NOC3L: variants seen among roughly 807,000 people sequenced by gnomAD.
NOC3L encodes nucleolar complex protein 3 homolog.
A neutral mutation model predicts 102.5 loss-of-function variants in NOC3L; 85 were observed. The ratio of observed to expected loss-of-function variants is 0.83; its 90% CI spans 0.70 to 0.99. The LOEUF is 0.99. NOC3L is among the 50% of genes least tolerant of loss of function. The pLI, the probability that NOC3L is intolerant of heterozygous loss-of-function variation, is 0.00. For missense variants in NOC3L, 878 were observed against 914.9 expected (o/e 0.96, Z 0.52); for synonymous variants, 303 against 309.4 (o/e 0.98, Z 0.22).
chr10:94,324,693 A>G, the NOC3L span: 1 of 1,019,084 alleles, frequency 9.8e-7, no homozygotes, highest in African/African-American at 1.6e-5. Flanking sequence ...AGTTAGGAGA[A>G]AATTGTTTGG....
In NOC3L at chr10:94,361,647, T is replaced by A. The variant is rs1429390987; in HGVS notation, c.217+18A>T. 1 of 1,605,522 alleles carries A rather than the reference T, an allele frequency of 6.2e-7. No homozygotes were observed. The highest frequency in any genetic ancestry group is 1.1e-5 in the South Asian group (1 of 90,258). ...ATAAATCAATGGAAACCAGAGCACA[T>A]GATGTTTTCACAATTACCTGGTCGC... On this transcript the variant is annotated intron_variant, in intron 2 of 20. Coordinates refer to ENST00000371361, the MANE Select transcript of NOC3L (RefSeq NM_022451.11).
At chr10:94,352,798 G>C (rs2054436040) in intron 7 of NOC3L, 98 bp downstream of exon 7, 1 of 1,030,212 alleles carries the variant, frequency 9.7e-7, no homozygotes. Flanking sequence ...CTCTAGTCTG[G>C]GCGACAGAGT....
the NOC3L span, among the ~76,000 whole-genome samples, chr10:94,321,642 A>AC: frequency 2.6e-5 from 4 of 151,896 alleles, no homozygotes; most frequent in Non-Finnish European, 4.4e-5. Flanking sequence ...AAAAAAAAAA[A>AC]AAAACCCACA....
rs375263761 is a variant in NOC3L at position 94,362,866 on chromosome 10, G to C, written c.-28C>G. The C allele has an allele frequency of 6.2e-7, 1 of 1,613,974 alleles. No homozygotes were observed. The highest frequency in any genetic ancestry group is 8.5e-7 in the Non-Finnish European group (1 of 1,180,032). On this transcript the variant is annotated 5_prime_UTR_variant, in exon 1 of 21. Coordinates refer to ENST00000371361, the MANE Select transcript of NOC3L (RefSeq NM_022451.11). ...TTAGGCCTTAAATGAATGCCGGCCAGACAAGTTCACCAGAAGCAGGGTTAC... is the reference window on the plus strand; with the variant it reads ...TTAGGCCTTAAATGAATGCCGGCCACACAAGTTCACCAGAAGCAGGGTTAC...
intron 16 of NOC3L, 94 bp from the exon 17 acceptor site, chr10:94,340,014 T>A: frequency 9.0e-7 from 1 of 1,110,002 alleles, no homozygotes; most frequent in Non-Finnish European, 1.3e-6. Flanking sequence ...TAAACTTTTG[T>A]ACCTGTCCCA....
intron 7 of NOC3L, 83 bp downstream of exon 7, chr10:94,352,813 C>A: frequency 8.1e-7 from 1 of 1,236,722 alleles, no homozygotes. Context: ...CAGAGTAAAA[C>A]TCTGCCTCAA....
intron 5 of NOC3L, among the ~76,000 whole-genome samples, chr10:94,355,731 A>T (rs939630077): frequency 2.0e-5 from 3 of 152,084 alleles, no homozygotes; most frequent in Admixed American, 6.6e-5. Context: ...AGCCCAAAAT[A>T]ATTCATATTA....
intron 6 of NOC3L, among the ~76,000 whole-genome samples, chr10:94,354,670 T>C: frequency 6.6e-6 from 1 of 152,190 alleles, no homozygotes; most frequent in Non-Finnish European, 1.5e-5. Flanking sequence ...CCTAATACAA[T>C]TTTATAAATT....
chr10:94,346,474 A>C lies in NOC3L; in HGVS notation c.1340T>G (p.Phe447Cys), dbSNP rs1236428918. The C allele has an allele frequency of 6.6e-7, 1 of 1,514,162 alleles. No individual in the cohort carries two copies. The highest frequency in any genetic ancestry group is 1.3e-5 in the South Asian group (1 of 78,540). 93.8% of individuals were successfully genotyped at this position (1,514,162 alleles called of 1,614,324 possible). ...DTEDINKPKKFMTFKEKRKSL... is the reference protein window; with the variant it reads ...DTEDINKPKKCMTFKEKRKSL... ...TTTTCTCTTTTCTTTGAAAGTCATA[A>C]ATTTTTTTGGTTTATTAATGTCTTC... The change falls in exon 11 of 21, where the codon TTT becomes TGT. Residue 447 changes from phenylalanine to cysteine, a missense_variant. Coordinates refer to ENST00000371361, the MANE Select transcript of NOC3L (RefSeq NM_022451.11).
At chr10:94,321,962 A>T in the NOC3L span, 1 of 1,613,730 alleles carries the variant, frequency 6.2e-7, no homozygotes, top group East Asian at 2.2e-5. Context: ...TCAGAGGAGG[A>T]GAGTTTCTTT....
At chr10:94,356,464 A>G in intron 5 of NOC3L, 71 bp downstream of exon 5, 2 of 905,458 alleles carry the variant, frequency 2.2e-6, no homozygotes, top group Admixed American at 1.9e-5. Context: ...TTTCATCTAA[A>G]ATTAACTCAC....
chr10:94,357,450 T>A, intron 3 of NOC3L, 119 bp from the exon 4 acceptor site: 1 of 722,024 alleles, frequency 1.4e-6, no homozygotes, highest in Non-Finnish European at 2.0e-6. Context: ...ATATGGATAG[T>A]AGCACTTAGG....
At chr10:94,323,524 A>G in the NOC3L span, among the ~76,000 whole-genome samples, 1 of 152,264 alleles carries the variant, frequency 6.6e-6, no homozygotes, top group Non-Finnish European at 1.5e-5. Context: ...CGTTGGCTCC[A>G]GCAAAACACT....
At chr10:94,354,269 G>A (rs190416561) in intron 6 of NOC3L, among the ~76,000 whole-genome samples, 2 of 152,232 alleles carry the variant, frequency 1.3e-5, no homozygotes, top group East Asian at 3.9e-4. Context: ...GTATGCTGGG[G>A]ACACCAGCAT....
chr10:94,315,240 A>G, the NOC3L span: 40 of 344,942 alleles, frequency 1.2e-4, no homozygotes, highest in African/African-American at 6.7e-4. Flanking sequence ...CTTCACTCCC[A>G]CTGCCCTCAG....
the NOC3L span, chr10:94,325,088 C>G: frequency 1.2e-6 from 2 of 1,613,096 alleles, no homozygotes; most frequent in Non-Finnish European, 1.7e-6. Flanking sequence ...TGACTAAGGG[C>G]AGCATGTTTA....
the NOC3L span, among the ~76,000 whole-genome samples, chr10:94,316,311 G>A: frequency 1.3e-5 from 2 of 152,162 alleles, no homozygotes; most frequent in Non-Finnish European, 2.9e-5. Context: ...TCCAGCAGTG[G>A]GAAAAAATAG....
chr10:94,334,134 C>A lies in NOC3L; in HGVS notation c.*43G>T. 1.1e-6 allele frequency: 1 copy of A among 872,216 alleles called. No individual in the cohort carries two copies. The highest frequency in any genetic ancestry group is 1.9e-6 in the Non-Finnish European group (1 of 526,820). The allele number at this position is 872,216 out of a possible 1,614,324, so 54.0% of individuals were successfully genotyped here. On this transcript the variant is annotated 3_prime_UTR_variant, in exon 21 of 21. Transcript: ENST00000371361. ...AACAACTCATCTTTATGTACATCTG[C>A]ACACACAAATATACAAGAAAGTCCA...
rs201691751 is a variant in NOC3L, at chr10:94,334,716, G to A, written c.2192C>T (p.Ser731Phe). ...GALKPELSRR[S>F]ATELFEAYSM... ...ATATGCCTCAAAAAGTTCAGTAGCA[G>A]ATCTAAATCACAAACACAAAAAATG... is the stretch of plus-strand genomic sequence containing the variant. The change falls in exon 20 of 21, where the codon TCT becomes TTT. Residue 731 changes from serine (S) to phenylalanine (F), a missense_variant and splice_region_variant. Physicochemically the swap from Ser to Phe is radical, Grantham distance 155. Transcript: ENST00000371361. 2.5e-5 allele frequency: 40 copies of A among 1,607,640 alleles called. No individual in the cohort carries two copies. Among genetic ancestry groups the A allele is most frequent in the Non-Finnish European group, 3.4e-5 (40 of 1,176,032 alleles).
Sources: allele counts gnomAD v4.1 joint callset (sites outside exome capture counted in the v4.1 genomes callset), GRCh38; gene constraint gnomAD v4.1.1; transcripts MANE v1.5; gene names NCBI Gene and HGNC (gene_info 2026-07-23, HGNC 2026-07-21).